DNAAF5: variants seen among roughly 807,000 people sequenced by gnomAD.
The protein encoded by DNAAF5 is HEAT repeat containing 2.
DNAAF5 carries 64 observed loss-of-function variants against 75.8 expected under a neutral mutation model. That is an observed-to-expected ratio of 0.84 (90% CI 0.69 to 1.04). The LOEUF is 1.04. Among genes scored for constraint, DNAAF5 ranks in the 50% least tolerant of loss-of-function variants. DNAAF5 has a pLI of 0.00. For synonymous variants in DNAAF5, 657 were observed against 557.2 expected (o/e 1.18, Z -2.52); for missense variants, 1,269 against 1,178.5 (o/e 1.08, Z -1.12).
In DNAAF5 at chr7:785,650, G is replaced by T; in HGVS notation, c.2565G>T (p.Gln855His). ...ATGTGCAGGCCGTGCCAGCCACACA[G>T]TGACCACGCTGGTTTCAGCCACGGC... ...LQHVQAVPAT[Q>H] Residue 855 changes from glutamine to histidine, a missense_variant, in exon 13 of 13, where the codon CAG becomes CAT. By Grantham distance (24) the Gln-to-His change is conservative (BLOSUM62 0). Coordinates refer to ENST00000297440, the MANE Select transcript of DNAAF5 (RefSeq NM_017802.4). The T allele has an allele frequency of 6.2e-7, 1 of 1,612,762 alleles. No homozygotes were observed. Among genetic ancestry groups the T allele is most frequent in the Non-Finnish European group, 8.5e-7 (1 of 1,179,894 alleles).
chr7:779,848 C>G (rs943202876), intron 11 of DNAAF5, 105 bp from the exon 12 acceptor site: 34 of 976,980 alleles, frequency 3.5e-5, no homozygotes, highest in Admixed American at 7.2e-5. Flanking sequence ...TCTTAGGACC[C>G]CAGGGCAGGT....
chr7:764,192 C>T (rs373081480), intron 8 of DNAAF5, among the ~76,000 whole-genome samples: 4 of 152,358 alleles, frequency 2.6e-5, no homozygotes, highest in South Asian at 4.1e-4. Flanking sequence ...CCACTTGGCC[C>T]GGGCACACGC....
At position 770,681 on chromosome 7, in the gene DNAAF5, C is replaced by T. The variant is rs918199729; in HGVS notation, c.1931+63C>T. 2.5e-5 allele frequency: 37 copies of T among 1,506,418 alleles called. 1 individual carries two copies. The Middle Eastern group carries it at 6.4e-4, about 26-fold the overall frequency. The allele number at this position is 1,506,418 out of a possible 1,614,324, so 93.3% of individuals were successfully genotyped here. On this transcript the variant is annotated intron_variant, in intron 9 of 12. Coordinates refer to ENST00000297440, the MANE Select transcript of DNAAF5 (RefSeq NM_017802.4). ...GGGCCTGGGCCAGGGGTCCCCATCT[C>T]CCTCCCCAACAGCTCACTGAGCAAG... is the stretch of plus-strand genomic sequence containing the variant.
At position 727,476 on chromosome 7, in the gene DNAAF5, C is replaced by T. The variant is rs1304163751; in HGVS notation, c.595+161C>T. 4 of 323,722 alleles carry T rather than the reference C, an allele frequency of 1.2e-5. No individual in the cohort carries two copies. In the Admixed American group the frequency reaches 1.7e-4, roughly 14 times the overall value. 20.1% of individuals were successfully genotyped at this position (323,722 alleles called of 1,614,324 possible). A position where few individuals can be genotyped will look rare whatever the true frequency, so the allele number is the denominator to read the frequency against. On this transcript the variant is annotated intron_variant, in intron 1 of 12. Coordinates refer to ENST00000297440, the MANE Select transcript of DNAAF5 (RefSeq NM_017802.4). Reference sequence around the variant, plus strand: ...CCCATGCGCCGCTTCCCCCACCCGCCTGCCCCAAAGCACCCCGCCCGGCCC... The same window carrying T: ...CCCATGCGCCGCTTCCCCCACCCGCTTGCCCCAAAGCACCCCGCCCGGCCC...
chr7:766,694 C>T (rs998111234), intron 8 of DNAAF5, among the ~76,000 whole-genome samples: 2 of 152,122 alleles, frequency 1.3e-5, no homozygotes, highest in Non-Finnish European at 2.9e-5. Context: ...GAGCAGCCTG[C>T]TCTGATGATA....
Position 769,772 on chromosome 7 carries a change from T to G in DNAAF5, c.1784-699T>G, listed in dbSNP as rs143045053. Among the ~76,000 whole-genome samples, 780 of 152,170 alleles carry G rather than the reference T, an allele frequency of 5.1e-3. 3 individuals are homozygous for G. The highest frequency in any genetic ancestry group is 0.01 in the Middle Eastern group (3 of 294). The stretch of plus-strand genomic sequence containing the variant: ...TCACGGGTTCAAGCAGTCAAGCAGC[T>G]GGGATTACAGGCGCCCACCACCACG... On this transcript the variant is annotated intron_variant, in intron 8 of 12. Transcript: ENST00000297440.
At chr7:756,465 G>C (rs1782487670) in intron 5 of DNAAF5, among the ~76,000 whole-genome samples, 1 of 152,234 alleles carries the variant, frequency 6.6e-6, no homozygotes, top group Admixed American at 6.5e-5. Context: ...GATCAGCTTA[G>C]TGATGGGAAG....
In DNAAF5 at chr7:726,866, C is replaced by A; in HGVS notation, c.146C>A (p.Ala49Asp). 7.6e-7 allele frequency: 1 copy of A among 1,319,650 alleles called. No homozygotes were observed. The allele number at this position is 1,319,650 out of a possible 1,614,324, so 81.7% of individuals were successfully genotyped here. The change falls in exon 1 of 13, where the codon GCC becomes GAC. Residue 49 changes from alanine to aspartate, a missense_variant. Ala to Asp is a moderately radical substitution (Grantham distance 126, BLOSUM62 -2). Transcript: ENST00000297440. Reference sequence around the variant, plus strand: ...GACAGCAAGCCGGGCCGGCGGCGCGCCTTGGAGGCCCTGCGGCGCGCGCTG... The same window carrying A: ...GACAGCAAGCCGGGCCGGCGGCGCGACTTGGAGGCCCTGCGGCGCGCGCTG... ...EADSKPGRRR[A>D]LEALRRALEE...
intron 4 of DNAAF5, among the ~76,000 whole-genome samples, chr7:751,569 AAT>A (rs1491218099): frequency 5.4e-5 from 6 of 110,692 alleles, no homozygotes; most frequent in African/African-American, 2.1e-4. Flanking sequence ...AGTTGTTCTG[AAT>A]TTTTTTTTTT....
chr7:750,700 A>T (rs1350643956), intron 4 of DNAAF5, among the ~76,000 whole-genome samples: 1 of 152,066 alleles, frequency 6.6e-6, no homozygotes, highest in Non-Finnish European at 1.5e-5. Flanking sequence ...ACAGGCCTTA[A>T]ACCAGTCCCA....
At position 729,660 on chromosome 7, in the gene DNAAF5, C is replaced by T; in HGVS notation, c.596-3C>T. The T allele has an allele frequency of 6.2e-7, 1 of 1,613,072 alleles. No homozygotes were observed. Among genetic ancestry groups the T allele is most frequent in the Non-Finnish European group, 8.5e-7 (1 of 1,179,494 alleles). ...GGTAACTGGGGGCCTCCCTGTCCCT[C>T]AGACCACTTCCACATGCAGTCGGAG... On this transcript the variant is annotated splice_region_variant and splice_polypyrimidine_tract_variant and intron_variant, in intron 1 of 12. Transcript: ENST00000297440.
Position 729,713 on chromosome 7 carries a change from A to G in DNAAF5, c.646A>G (p.Ile216Val), listed in dbSNP as rs1379297607. Residue 216 changes from isoleucine (I) to valine (V), a missense_variant, in exon 2 of 13, where the codon ATC (isoleucine) becomes GTC (valine). Coordinates refer to ENST00000297440, the MANE Select transcript of DNAAF5 (RefSeq NM_017802.4). ...TCTGATCGGGCCCCTGATGCAGACC[A>G]TCTCCCACCAGCACTGGAAGGTCCG... Reference protein sequence around the residue: ...ESLIGPLMQTISHQHWKVRVA... With the variant: ...ESLIGPLMQTVSHQHWKVRVA... The G allele has an allele frequency of 3.1e-6, 5 of 1,614,046 alleles. No homozygotes were observed. The Admixed American group carries it at 6.7e-5, about 22-fold the overall frequency.
In DNAAF5 at chr7:763,907, G is replaced by T. The variant is rs778984123; in HGVS notation, c.1716G>T (p.Ala572=). The part of the protein sequence containing the change: ...HIGPLLERVT[A]SHLDWTAHSP... ...GTCCCCTCCTGGAGCGGGTGACCGCGTCGCACCTTGACTGGACCGCACACT... is the reference window on the plus strand; with the variant it reads ...GTCCCCTCCTGGAGCGGGTGACCGCTTCGCACCTTGACTGGACCGCACACT... Residue 572 remains alanine, a synonymous_variant, in exon 8 of 13, where the codon GCG becomes GCT. Transcript: ENST00000297440. 5.6e-6 allele frequency: 9 copies of T among 1,611,858 alleles called. No homozygotes were observed. The highest frequency in any genetic ancestry group is 1.7e-5 in the Admixed American group (1 of 60,002).
rs754142810 is a variant in DNAAF5 at position 756,777 on chromosome 7, C to T, written c.1258-5C>T. ...TCTGAGTTTTCTCATGTTTCTTTCTCGCAGTGTACCAGATCCGCAGAGCTC... is the reference window on the plus strand; with the variant it reads ...TCTGAGTTTTCTCATGTTTCTTTCTTGCAGTGTACCAGATCCGCAGAGCTC... On this transcript the variant is annotated splice_polypyrimidine_tract_variant and splice_region_variant and intron_variant, in intron 5 of 12. Coordinates refer to ENST00000297440, the MANE Select transcript of DNAAF5 (RefSeq NM_017802.4). 7 of 1,611,876 alleles carry T rather than the reference C, an allele frequency of 4.3e-6. No homozygotes were observed. Among genetic ancestry groups the T allele is most frequent in the Admixed American group, 3.3e-5 (2 of 59,988 alleles).
chr7:783,503 A>G (rs968077885), intron 12 of DNAAF5, among the ~76,000 whole-genome samples: 3 of 152,164 alleles, frequency 2.0e-5, no homozygotes, highest in Admixed American at 6.5e-5. Flanking sequence ...CTTGGAGCCC[A>G]TGTCGGGAGC....
Position 770,499 on chromosome 7 carries a change from C to T in DNAAF5, c.1812C>T (p.His604=), listed in dbSNP as rs190772196. The change falls in exon 9 of 13, where the codon CAC becomes CAT. Residue 604 remains histidine, a synonymous_variant. Coordinates refer to ENST00000297440, the MANE Select transcript of DNAAF5 (RefSeq NM_017802.4). ...CTGCCCTGGGAGAAGCCCTGCCACA[C>T]GTCGTGCCCACGCTGAGGGCCTGTC... The part of the protein sequence containing the change: ...SGPALGEALP[H]VVPTLRACLQ... The T allele has an allele frequency of 1.9e-4, 309 of 1,613,702 alleles. No homozygotes were observed. Among genetic ancestry groups the T allele is most frequent in the South Asian group, 2.3e-4 (21 of 91,052 alleles).
At chr7:781,291 CCTGA>C (rs1220412313) in intron 12 of DNAAF5, among the ~76,000 whole-genome samples, 3 of 152,172 alleles carry the variant, frequency 2.0e-5, no homozygotes, top group African/African-American at 7.2e-5. Context: ...CCCTTCTGTG[CCTGA>C]CTTATTTCAC....
intron 6 of DNAAF5, among the ~76,000 whole-genome samples, chr7:760,375 C>T (rs1261715271): frequency 6.6e-6 from 1 of 152,178 alleles, no homozygotes; most frequent in African/African-American, 2.4e-5. Context: ...TAAGCATAGG[C>T]CTCCAATATA....
At chr7:778,032 C>G (rs1211329673) in intron 11 of DNAAF5, 1 of 152,208 alleles carries the variant, frequency 6.6e-6, no homozygotes, top group Non-Finnish European at 1.5e-5. Context: ...TTCAGATTCA[C>G]AGTACACACG....
Sources: allele counts gnomAD v4.1 joint callset (sites outside exome capture counted in the v4.1 genomes callset), GRCh38; gene constraint gnomAD v4.1.1; transcripts MANE v1.5; gene names NCBI Gene and HGNC (gene_info 2026-07-23, HGNC 2026-07-21).